The following CAPN13 variants were observed in gnomAD, a reference collection of about 807,000 sequenced individuals.
The protein encoded by CAPN13 is calpain 13.
A neutral mutation model predicts 98.4 loss-of-function variants in CAPN13; 90 were observed. The ratio of observed to expected loss-of-function variants is 0.92; its 90% CI spans 0.77 to 1.09. CAPN13 has a LOEUF of 1.09. CAPN13 is among the 50% of genes least tolerant of loss of function. CAPN13 has a pLI of 0.00. For synonymous variants in CAPN13, 330 were observed against 305.5 expected (o/e 1.08, Z -0.84); for missense variants, 887 against 841.3 (o/e 1.05, Z -0.67).
intron 1 of CAPN13, among the ~76,000 whole-genome samples, chr2:30,791,404 A>G (rs1400421292): frequency 2.0e-5 from 3 of 152,236 alleles, no homozygotes; most frequent in Admixed American, 2.0e-4. Context: ...CCTGAGTGTC[A>G]GCAGATTAAA....
chr2:30,758,247 C>A, intron 7 of CAPN13, 110 bp from the exon 8 acceptor site: 2 of 709,712 alleles, frequency 2.8e-6, no homozygotes, highest in Non-Finnish European at 4.4e-6. Context: ...CTTCTGACCT[C>A]ATTTGGCTGC....
chr2:30,756,487 T>C (rs375635578), intron 8 of CAPN13, among the ~76,000 whole-genome samples: 1 of 152,226 alleles, frequency 6.6e-6, no homozygotes, highest in Non-Finnish European at 1.5e-5. Flanking sequence ...CACTGGTCAT[T>C]TGATATTTAG....
chr2:30,790,195 C>T (rs1304864227), intron 1 of CAPN13, among the ~76,000 whole-genome samples: 8 of 152,238 alleles, frequency 5.3e-5, no homozygotes, highest in African/African-American at 1.9e-4. Context: ...CTTTTGTGCA[C>T]AGCAGAAGAG....
chr2:30,802,449 A>ATG (rs894651411), intron 1 of CAPN13, among the ~76,000 whole-genome samples: 11 of 133,300 alleles, frequency 8.3e-5, no homozygotes, highest in East Asian at 7.6e-4. Context: ...GGAGCTTAGA[A>ATG]TGTGTGTGTG....
At chr2:30,751,374 C>A (rs1672169081) in intron 10 of CAPN13, 123 bp from the exon 11 acceptor site, 18 of 1,018,044 alleles carry the variant, frequency 1.8e-5, no homozygotes, top group Middle Eastern at 2.9e-4. Context: ...GACCTAAGGC[C>A]TGGATCCCAA....
At chr2:30,775,456 C>T (rs1402051) in intron 4 of CAPN13, among the ~76,000 whole-genome samples, 60,595 of 151,738 alleles carry the variant, frequency 0.4, 12,500 homozygotes, top group African/African-American at 0.49. Flanking sequence ...TTGTGTATCA[C>T]AGTGGCTTTT....
At chr2:30,723,727 G>A (rs552863284) in intron 22 of CAPN13, among the ~76,000 whole-genome samples, 3 of 152,246 alleles carry the variant, frequency 2.0e-5, no homozygotes, top group Middle Eastern at 3.4e-3. Context: ...AGTGACATTC[G>A]TGCATAGTCA....
At chr2:30,724,408 C>A (rs1329124639) in intron 22 of CAPN13, among the ~76,000 whole-genome samples, 1 of 152,094 alleles carries the variant, frequency 6.6e-6, no homozygotes, top group Non-Finnish European at 1.5e-5. Flanking sequence ...AAAATTGCTC[C>A]CATTTTCCCC....
chr2:30,744,733 G>A (rs1011346925), intron 12 of CAPN13, among the ~76,000 whole-genome samples: 17 of 152,144 alleles, frequency 1.1e-4, no homozygotes, highest in Non-Finnish European at 1.8e-4. Context: ...GGGGAACAAC[G>A]TGGGGGTTCT....
intron 8 of CAPN13, among the ~76,000 whole-genome samples, chr2:30,757,210 C>A (rs1033129178): frequency 6.6e-6 from 1 of 152,246 alleles, no homozygotes; most frequent in African/African-American, 2.4e-5. Context: ...TGGAGGAATG[C>A]GACCAGGCTG....
At chr2:30,802,380 G>A (rs914521077) in intron 1 of CAPN13, among the ~76,000 whole-genome samples, 3 of 151,954 alleles carry the variant, frequency 2.0e-5, no homozygotes, top group Non-Finnish European at 2.9e-5. Flanking sequence ...GAGGAGAAAT[G>A]TTTTTCAAAA....
At chr2:30,745,829 G>T (rs1169080188) in intron 11 of CAPN13, 95 bp from the exon 12 acceptor site, 3 of 965,686 alleles carry the variant, frequency 3.1e-6, no homozygotes, top group Non-Finnish European at 4.6e-6. Flanking sequence ...TTTCATCCCT[G>T]CATTCCTTCT....
In CAPN13 at chr2:30,796,226, A is replaced by G. The variant is rs7587682; in HGVS notation, c.-32-8869T>C. 6.3e-3 allele frequency among the ~76,000 whole-genome samples: 630 copies of G among 99,970 alleles called. 7 individuals are homozygous for G. The highest frequency in any genetic ancestry group is 0.02 in the African/African-American group (468 of 23,090). 65.6% of individuals were successfully genotyped at this position (99,970 alleles called of 152,430 possible). A position where few individuals can be genotyped will look rare whatever the true frequency, so the allele number is the denominator to read the frequency against. ...TATATATATATACACATATATATGTATATATATATGTGTGCATATATATAT... is the reference window on the plus strand; with the variant it reads ...TATATATATATACACATATATATGTGTATATATATGTGTGCATATATATAT... On this transcript the variant is annotated intron_variant, in intron 1 of 22. Transcript: ENST00000295055.
chr2:30,771,179 G>A lies in CAPN13; in HGVS notation c.388-730C>T, dbSNP rs953411771. Among the ~76,000 whole-genome samples the A allele has an allele frequency of 2.6e-5, 4 of 152,170 alleles. No individual in the cohort carries two copies. The South Asian group carries it at 6.2e-4, about 24-fold the overall frequency. The stretch of plus-strand genomic sequence containing the variant: ...CATTCAACTCTATATAGTTCACCGG[G>A]GACATGGCCAAATGAGGAAAATTCA... On this transcript the variant is annotated intron_variant, in intron 4 of 22. Transcript: ENST00000295055.
chr2:30,778,001 A>G (rs1291375787), intron 2 of CAPN13, among the ~76,000 whole-genome samples: 2 of 152,228 alleles, frequency 1.3e-5, no homozygotes, highest in Non-Finnish European at 2.9e-5. Context: ...TTATTAGAGG[A>G]GAGGTTTATA....
chr2:30,806,843 T>C (rs916427781), intron 1 of CAPN13, among the ~76,000 whole-genome samples: 10 of 152,210 alleles, frequency 6.6e-5, no homozygotes, highest in African/African-American at 2.4e-4. Context: ...GCTAGATGAT[T>C]AGAAAACAAA....
At chr2:30,761,934 C>T (rs1672870702) in intron 7 of CAPN13, among the ~76,000 whole-genome samples, 1 of 152,194 alleles carries the variant, frequency 6.6e-6, no homozygotes, top group African/African-American at 2.4e-5. Flanking sequence ...GAGCCTGATG[C>T]TCTGCAGTCC....
rs1040371522 is a variant in CAPN13 at position 30,757,947 on chromosome 2, G to A, written c.866+99C>T. On this transcript the variant is annotated intron_variant, in intron 8 of 22. Transcript: ENST00000295055. ...TGTGAGCTGGACAGGCCTGCAGTGAGATGCGCAGTGGCTAGATAGCCCCTG... is the reference window on the plus strand; with the variant it reads ...TGTGAGCTGGACAGGCCTGCAGTGAAATGCGCAGTGGCTAGATAGCCCCTG... 4.7e-6 allele frequency: 4 copies of A among 850,260 alleles called. No homozygotes were observed. The South Asian group carries it at 5.5e-5, about 12-fold the overall frequency. 52.7% of individuals were successfully genotyped at this position (850,260 alleles called of 1,614,324 possible).
At chr2:30,757,997 G>A (rs373915816) in intron 8 of CAPN13, 49 bp downstream of exon 8, 253 of 1,437,546 alleles carry the variant, frequency 1.8e-4, no homozygotes, top group Admixed American at 1.4e-3. Context: ...AGGCTCTACC[G>A]ACACCAAGCG....
Sources: gnomAD v4.1 joint callset for allele counts (sites outside exome capture counted in the v4.1 genomes callset) on GRCh38, gnomAD v4.1.1 for gene constraint, MANE v1.5 for transcripts, NCBI Gene and HGNC (gene_info 2026-07-23, HGNC 2026-07-21) for gene names.